CTNNA3: variants seen among roughly 807,000 people sequenced by gnomAD.
CTNNA3 encodes catenin alpha 3, also known as catenin alpha-3.
Under a neutral mutation model 95.7 loss-of-function variants are expected in CTNNA3, and 76 were observed. That is an observed-to-expected ratio of 0.79 (90% CI 0.66 to 0.96). The LOEUF is 0.96. Among genes scored for constraint, CTNNA3 ranks in the 40% least tolerant of loss-of-function variants. The probability of loss-of-function intolerance (pLI) is 0.00; values close to 1 mark genes in which losing one functional copy is unlikely to be tolerated. For synonymous variants in CTNNA3, 431 were observed against 374.4 expected (o/e 1.15, Z -1.74); for missense variants, 1,191 against 1,089.8 (o/e 1.09, Z -1.31).
chr10:66,973,331 TC>T (rs1849830551), intron 7 of CTNNA3, among the ~76,000 whole-genome samples: 1 of 152,192 alleles, frequency 6.6e-6, no homozygotes, highest in Non-Finnish European at 1.5e-5. Context: ...ACTAGGACTT[TC>T]CACATTTTTG....
intron 5 of CTNNA3, among the ~76,000 whole-genome samples, chr10:67,342,848 T>C (rs746450048): frequency 1.3e-5 from 2 of 152,344 alleles, no homozygotes; most frequent in Non-Finnish European, 2.9e-5. Flanking sequence ...TATAGCTCTG[T>C]AGTAAATTTG....
chr10:66,440,886 T>C (rs2093370572), intron 11 of CTNNA3, among the ~76,000 whole-genome samples: 1 of 152,208 alleles, frequency 6.6e-6, no homozygotes, highest in Admixed American at 6.5e-5. Flanking sequence ...TCCAAACATG[T>C]CTGTTTCTCT....
At chr10:66,937,989 CT>C (rs1847802733) in intron 7 of CTNNA3, among the ~76,000 whole-genome samples, 1 of 152,024 alleles carries the variant, frequency 6.6e-6, no homozygotes, top group Non-Finnish European at 1.5e-5. Flanking sequence ...ATAATCTCTT[CT>C]TTTCCTTCTT....
intron 5 of CTNNA3, among the ~76,000 whole-genome samples, chr10:67,294,515 G>T (rs1192746052): frequency 1.3e-5 from 2 of 151,440 alleles, no homozygotes; most frequent in African/African-American, 4.9e-5. Context: ...AAAATGTTTT[G>T]ATTTTTAAGA....
intron 12 of CTNNA3, among the ~76,000 whole-genome samples, chr10:66,308,404 G>C (rs2091959634): frequency 6.6e-6 from 1 of 152,138 alleles, no homozygotes; most frequent in Non-Finnish European, 1.5e-5. Context: ...TCCTGTTTAA[G>C]ATTTGAAAAT....
intron 6 of CTNNA3, among the ~76,000 whole-genome samples, chr10:67,217,695 G>A (rs532755629): frequency 6.6e-6 from 1 of 152,234 alleles, no homozygotes; most frequent in South Asian, 2.1e-4. Flanking sequence ...GAACAATTTG[G>A]AAATGTCTTC....
intron 5 of CTNNA3, among the ~76,000 whole-genome samples, chr10:67,462,956 G>A (rs2133000123): frequency 6.6e-6 from 1 of 150,916 alleles, no homozygotes; most frequent in South Asian, 2.1e-4. Context: ...CCAGGCTGGA[G>A]TGCAGTCACA....
chr10:67,165,292 T>C (rs962372993), intron 7 of CTNNA3, among the ~76,000 whole-genome samples: 2 of 152,148 alleles, frequency 1.3e-5, no homozygotes, highest in Non-Finnish European at 2.9e-5. Flanking sequence ...TAAAACACTG[T>C]ATAATAACAA....
chr10:66,053,922 A>G (rs2133546827), intron 15 of CTNNA3, among the ~76,000 whole-genome samples: 1 of 151,976 alleles, frequency 6.6e-6, no homozygotes, highest in African/African-American at 2.4e-5. Context: ...CTTAACTTTC[A>G]TGGTTTATTA....
chr10:66,760,274 T>A (rs906069943), intron 9 of CTNNA3, among the ~76,000 whole-genome samples: 7 of 152,150 alleles, frequency 4.6e-5, no homozygotes, highest in African/African-American at 1.7e-4. Flanking sequence ...CTGCCAGCTA[T>A]ACAAGAGGAA....
chr10:67,733,479 G>A (rs1277884470), intron 1 of CTNNA3, among the ~76,000 whole-genome samples: 1 of 152,120 alleles, frequency 6.6e-6, no homozygotes, highest in Non-Finnish European at 1.5e-5. Flanking sequence ...TAGGAAGGAG[G>A]CTTGTCTCTG....
At chr10:66,796,599 G>A (rs4074716) in intron 7 of CTNNA3, among the ~76,000 whole-genome samples, 35,759 of 151,978 alleles carry the variant, frequency 0.24, 4,724 homozygotes, top group African/African-American at 0.37. Flanking sequence ...GTACTTGCCT[G>A]AAGCAGGATT....
intron 1 of CTNNA3, among the ~76,000 whole-genome samples, chr10:67,674,365 C>T (rs920013703): frequency 6.6e-6 from 1 of 152,044 alleles, no homozygotes; most frequent in African/African-American, 2.4e-5. Flanking sequence ...CCTGCCAACA[C>T]CTTGATCTTG....
intron 1 of CTNNA3, among the ~76,000 whole-genome samples, chr10:67,686,168 T>C (rs1840726513): frequency 6.6e-6 from 1 of 152,254 alleles, no homozygotes; most frequent in Non-Finnish European, 1.5e-5. Context: ...TAAGCATACT[T>C]GCTATCTGTA....
At chr10:66,471,465 T>C (rs1384114970) in intron 11 of CTNNA3, among the ~76,000 whole-genome samples, 3 of 151,968 alleles carry the variant, frequency 2.0e-5, no homozygotes, top group Non-Finnish European at 2.9e-5. Flanking sequence ...AGCTAAAATA[T>C]TGCAAAATCC....
At chr10:65,928,283 C>A (rs536633180) in intron 17 of CTNNA3, among the ~76,000 whole-genome samples, 1 of 152,176 alleles carries the variant, frequency 6.6e-6, no homozygotes, top group South Asian at 2.1e-4. Flanking sequence ...GAATTGCTGT[C>A]AAAAATAAAT....
chr10:67,458,221 G>A (rs1168991987), intron 5 of CTNNA3, among the ~76,000 whole-genome samples: 2 of 151,894 alleles, frequency 1.3e-5, no homozygotes, highest in African/African-American at 4.8e-5. Context: ...CTTCTTCTTG[G>A]ATGACCCAAT....
chr10:67,089,714 C>CAT (rs1413881812), intron 7 of CTNNA3, among the ~76,000 whole-genome samples: 1 of 90,860 alleles, frequency 1.1e-5, no homozygotes, highest in Non-Finnish European at 2.4e-5. Context: ...TGTGTATATA[C>CAT]ATATGTGTGT....
At chr10:66,703,490 G>A (rs1256010336) in intron 9 of CTNNA3, among the ~76,000 whole-genome samples, 1 of 152,130 alleles carries the variant, frequency 6.6e-6, no homozygotes, top group African/African-American at 2.4e-5. Context: ...TGTTGTCAAG[G>A]AATAACAAAA....
Sources: gnomAD v4.1 joint callset for allele counts (sites outside exome capture counted in the v4.1 genomes callset) on GRCh38, gnomAD v4.1.1 for gene constraint, MANE v1.5 for transcripts, NCBI Gene and HGNC (gene_info 2026-07-23, HGNC 2026-07-21) for gene names.